The following PPP2R5A variants were observed in gnomAD, a reference collection of about 807,000 sequenced individuals.
PPP2R5A encodes protein phosphatase 2 regulatory subunit B'alpha.
A neutral mutation model predicts 64.2 loss-of-function variants in PPP2R5A; 25 were observed. The observed-to-expected ratio is 0.39, with a 90% CI of 0.28 to 0.54. PPP2R5A has a LOEUF of 0.54. Among genes scored for constraint, PPP2R5A ranks in the 20% least tolerant of loss-of-function variants. The pLI, the probability that PPP2R5A is intolerant of heterozygous loss-of-function variation, is 0.67. For missense variants in PPP2R5A, 425 were observed against 576.3 expected, an observed-to-expected ratio of 0.74 and a Z score of 2.69; for synonymous variants, 198 against 201.2, an observed-to-expected ratio of 0.98 and a Z score of 0.13.
chr1:212,327,680 C>T (rs1659430494), intron 1 of PPP2R5A, among the ~76,000 whole-genome samples: 1 of 152,162 alleles, frequency 6.6e-6, no homozygotes, highest in East Asian at 1.9e-4. Context: ...TTCCAAAGTG[C>T]TGGGATTACA....
intron 1 of PPP2R5A, among the ~76,000 whole-genome samples, chr1:212,301,642 C>T (rs994583309): frequency 2.0e-5 from 3 of 152,254 alleles, no homozygotes; most frequent in Middle Eastern, 3.4e-3. Flanking sequence ...TAATAGCCTG[C>T]TCTCTAAAGT....
intron 1 of PPP2R5A, among the ~76,000 whole-genome samples, chr1:212,327,861 C>T (rs2102431946): frequency 6.6e-6 from 1 of 152,346 alleles, no homozygotes; most frequent in Non-Finnish European, 1.5e-5. Context: ...GTTGCCCAGG[C>T]TGGAATGCAG....
At chr1:212,307,861 T>G (rs1558142149) in intron 1 of PPP2R5A, among the ~76,000 whole-genome samples, 2 of 152,180 alleles carry the variant, frequency 1.3e-5, no homozygotes, top group Admixed American at 1.3e-4. Flanking sequence ...TAAATACTTC[T>G]CGAGATACGG....
intron 1 of PPP2R5A, among the ~76,000 whole-genome samples, chr1:212,311,380 A>G (rs1659028704): frequency 6.6e-6 from 1 of 152,070 alleles, no homozygotes; most frequent in Admixed American, 6.6e-5. Context: ...GAGGCAGAAG[A>G]ATGGCATGAA....
At chr1:212,326,078 AT>A (rs1005501882) in intron 1 of PPP2R5A, among the ~76,000 whole-genome samples, 2 of 152,198 alleles carry the variant, frequency 1.3e-5, no homozygotes, top group African/African-American at 4.8e-5. Flanking sequence ...ACTAATGGCC[AT>A]TTTGGGATTA....
At chr1:212,289,162 A>G (rs891665266) in intron 1 of PPP2R5A, among the ~76,000 whole-genome samples, 20 of 152,378 alleles carry the variant, frequency 1.3e-4, no homozygotes, top group Middle Eastern at 3.4e-3. Flanking sequence ...TTACATTTAT[A>G]TAACATTTTA....
intron 8 of PPP2R5A, among the ~76,000 whole-genome samples, 160 bp from the exon 9 acceptor site, chr1:212,356,466 A>C (rs1659978708): frequency 6.6e-6 from 1 of 152,244 alleles, no homozygotes; most frequent in African/African-American, 2.4e-5. Flanking sequence ...AGTTGAATTA[A>C]TAAAATTCTA....
chr1:212,342,064 TATA>T (rs1659695029), intron 3 of PPP2R5A, 121 bp from the exon 4 acceptor site: 4 of 1,362,758 alleles, frequency 2.9e-6, no homozygotes, highest in Middle Eastern at 2.4e-4. Context: ...CATTACATTT[TATA>T]ATGAGATCTG....
chr1:212,303,221 A>T (rs1309292719), intron 1 of PPP2R5A, among the ~76,000 whole-genome samples: 4 of 152,010 alleles, frequency 2.6e-5, no homozygotes, highest in African/African-American at 4.8e-5. Flanking sequence ...GTATGTGAGG[A>T]TTTTCATCGC....
At chr1:212,318,399 T>G (rs998653786) in intron 1 of PPP2R5A, among the ~76,000 whole-genome samples, 1 of 152,228 alleles carries the variant, frequency 6.6e-6, no homozygotes, top group Non-Finnish European at 1.5e-5. Flanking sequence ...AGAAGAATGC[T>G]GCTTTTAAAT....
intron 1 of PPP2R5A, among the ~76,000 whole-genome samples, chr1:212,301,282 G>C (rs994407729): frequency 6.6e-6 from 1 of 152,156 alleles, no homozygotes; most frequent in Admixed American, 6.5e-5. Context: ...AAAGTGCTGG[G>C]ATTACAGGTG....
intron 1 of PPP2R5A, among the ~76,000 whole-genome samples, chr1:212,296,563 A>T (rs1366282838): frequency 6.6e-6 from 1 of 152,198 alleles, no homozygotes; most frequent in African/African-American, 2.4e-5. Context: ...TGTACACTGC[A>T]TGATAAGATG....
chr1:212,318,503 A>G (rs1659201703), intron 1 of PPP2R5A, among the ~76,000 whole-genome samples: 1 of 152,236 alleles, frequency 6.6e-6, no homozygotes, highest in Non-Finnish European at 1.5e-5. Context: ...AGGTTATTAC[A>G]TATATTAAGT....
At chr1:212,300,191 CT>C (rs1309233794) in intron 1 of PPP2R5A, among the ~76,000 whole-genome samples, 1 of 152,146 alleles carries the variant, frequency 6.6e-6, no homozygotes, top group South Asian at 2.1e-4. Flanking sequence ...TATCTAGTCA[CT>C]GGTTTTGGTA....
At chr1:212,287,418 C>A (rs530132237) in intron 1 of PPP2R5A, among the ~76,000 whole-genome samples, 1 of 152,146 alleles carries the variant, frequency 6.6e-6, no homozygotes, top group Non-Finnish European at 1.5e-5. Flanking sequence ...TGTCTTTGGG[C>A]CTGTGAATCC....
intron 1 of PPP2R5A, among the ~76,000 whole-genome samples, chr1:212,286,597 T>TAG (rs1384834391): frequency 4.6e-5 from 7 of 152,336 alleles, no homozygotes; most frequent in African/African-American, 1.4e-4. Flanking sequence ...TCCCGTGAAG[T>TAG]AGAGTCCTTC....
chr1:212,303,337 C>T (rs1168552097), intron 1 of PPP2R5A, among the ~76,000 whole-genome samples: 2 of 152,206 alleles, frequency 1.3e-5, no homozygotes, highest in African/African-American at 4.8e-5. Context: ...TCCCTAATTA[C>T]TAATGATGTC....
intron 3 of PPP2R5A, 47 bp downstream of exon 3, chr1:212,333,645 C>A: frequency 9.2e-7 from 1 of 1,083,530 alleles, no homozygotes; most frequent in South Asian, 2.0e-5. Flanking sequence ...TTATGCTATT[C>A]TGCAGAAATC....
intron 1 of PPP2R5A, among the ~76,000 whole-genome samples, chr1:212,314,972 G>A (rs1173898519): frequency 6.6e-6 from 1 of 152,170 alleles, no homozygotes; most frequent in Admixed American, 6.5e-5. Context: ...CTCCCAAAGT[G>A]TTGGGATTAC....
Sources: allele counts gnomAD v4.1 joint callset (sites outside exome capture counted in the v4.1 genomes callset), GRCh38; gene constraint gnomAD v4.1.1; transcripts MANE v1.5; gene names NCBI Gene and HGNC (gene_info 2026-07-23, HGNC 2026-07-21).